Variants in GCNT2 observed in about 807,000 individuals in gnomAD.
GCNT2 encodes glucosaminyl (N-acetyl) transferase 2 (I blood group).
In GCNT2, 34 loss-of-function variants were observed where a neutral mutation model predicts 34.2. The ratio of observed to expected loss-of-function variants is 1.00; its 90% CI spans 0.76 to 1.32. The LOEUF is 1.32. GCNT2 is among the 40% of genes most tolerant of loss of function. The pLI is 0.00. For synonymous variants in GCNT2, 212 were observed against 188.0 expected (o/e 1.13, Z -1.04); for missense variants, 584 against 489.4 (o/e 1.19, Z -1.82).
chr6:10,526,048 T>G (rs1761167469), intron 1 of GCNT2, among the ~76,000 whole-genome samples: 1 of 152,222 alleles, frequency 6.6e-6, no homozygotes, highest in Admixed American at 6.5e-5. Context: ...TAGTATTTCA[T>G]TTGATATGGA....
chr6:10,549,563 C>CTTTTTT (rs33909973), intron 3 of GCNT2, among the ~76,000 whole-genome samples: 4 of 104,308 alleles, frequency 3.8e-5, no homozygotes, highest in East Asian at 2.7e-4. Flanking sequence ...ATCTCTCTCT[C>CTTTTTT]TTTTTTTTTT....
intron 3 of GCNT2, among the ~76,000 whole-genome samples, chr6:10,613,791 C>G (rs1341135790): frequency 1.3e-5 from 2 of 152,126 alleles, no homozygotes; most frequent in African/African-American, 4.8e-5. Flanking sequence ...AGCCACTGAT[C>G]AGATTTACCT....
At chr6:10,583,587 T>C (rs530659060) in intron 3 of GCNT2, among the ~76,000 whole-genome samples, 15 of 152,334 alleles carry the variant, frequency 9.8e-5, no homozygotes, top group African/African-American at 3.6e-4. Context: ...CCCTCTGTAA[T>C]GCGACCAGAC....
At chr6:10,557,464 C>T (rs1450760317) in intron 3 of GCNT2, 21 of 755,342 alleles carry the variant, frequency 2.8e-5, no homozygotes, top group Admixed American at 9.1e-5. Flanking sequence ...AGTTCTCACC[C>T]TAGTCCTTTC....
chr6:10,586,084 G>A (rs762124836), intron 3 of GCNT2: 5 of 1,614,184 alleles, frequency 3.1e-6, no homozygotes, highest in Non-Finnish European at 3.4e-6. Context: ...CCGCCAAAAA[G>A]TTATGAGAAG....
At chr6:10,557,420 T>C in intron 3 of GCNT2, 1 of 1,100,994 alleles carries the variant, frequency 9.1e-7, no homozygotes, top group East Asian at 2.3e-5. Flanking sequence ...CCACTTTTTA[T>C]TAGGAAGTAG....
At chr6:10,538,437 A>AAAAAAATATATATATATAT (rs1554127249) in intron 3 of GCNT2, among the ~76,000 whole-genome samples, 2 of 73,350 alleles carry the variant, frequency 2.7e-5, no homozygotes, top group African/African-American at 2.4e-4. Context: ...AAAAAAAAAA[A>AAAAAAATATATATATATAT]ATATATATAT....
At chr6:10,574,803 T>C in intron 3 of GCNT2, 2 of 617,568 alleles carry the variant, frequency 3.2e-6, no homozygotes. Flanking sequence ...TCCCACTGGC[T>C]CTCATAAAGT....
intron 3 of GCNT2, among the ~76,000 whole-genome samples, chr6:10,569,179 C>T (rs929276636): frequency 6.7e-6 from 1 of 148,894 alleles, no homozygotes; most frequent in African/African-American, 2.5e-5. Context: ...GCACTGCTGC[C>T]TAGTCAACTT....
intron 3 of GCNT2, among the ~76,000 whole-genome samples, chr6:10,540,043 A>G (rs989105467): frequency 5.9e-5 from 9 of 151,646 alleles, no homozygotes; most frequent in East Asian, 1.9e-4. Flanking sequence ...GTGACATTGC[A>G]CTCCAGTCTT....
chr6:10,555,955 CT>C, intron 3 of GCNT2: 4 of 1,027,392 alleles, frequency 3.9e-6, no homozygotes, highest in Non-Finnish European at 3.5e-6. Flanking sequence ...TGCTAGGGGA[CT>C]AGCAGGAAGC....
In GCNT2 at chr6:10,562,160, A is replaced by T. The variant is rs562181161; in HGVS notation, c.925+32324A>T. On this transcript the variant is annotated intron_variant, in intron 3 of 4. Coordinates refer to ENST00000495262, the MANE Select transcript of GCNT2 (RefSeq NM_145649.5). ...CTTGCTAGGTCATCTCCCTGTGGGG[A>T]GACCAACTGTCCCAGTTTGCCCAGG... is the stretch of plus-strand genomic sequence containing the variant. Among the ~76,000 whole-genome samples, 4 of 152,214 alleles carry T rather than the reference A, an allele frequency of 2.6e-5. No homozygotes were observed. In the South Asian group the frequency reaches 8.3e-4, roughly 32 times the overall value.
intron 3 of GCNT2, among the ~76,000 whole-genome samples, chr6:10,544,295 C>T (rs1186770924): frequency 6.8e-6 from 1 of 147,668 alleles, no homozygotes; most frequent in Admixed American, 6.8e-5. Context: ...GCCTGGGCGA[C>T]AGCAAGACTC....
chr6:10,563,499 T>A (rs1295643104), intron 3 of GCNT2, among the ~76,000 whole-genome samples: 2 of 151,954 alleles, frequency 1.3e-5, no homozygotes, highest in Admixed American at 1.3e-4. Flanking sequence ...CCCAGTAGTT[T>A]GGGAGGCTGA....
rs1390363042 is a variant in GCNT2 at position 10,590,575 on chromosome 6, G to T, written c.926-30776G>T. ...TTTTCACCTATTTTTTTTTTTTTGA[G>T]ATGGAGTCTTGCTCTGTCGCCAGGC... On this transcript the variant is annotated intron_variant, in intron 3 of 4. Transcript: ENST00000495262. Among the ~76,000 whole-genome samples the T allele has an allele frequency of 2.8e-5, 4 of 142,822 alleles. 1 individual carries two copies. The South Asian group carries it at 9.0e-4, about 32-fold the overall frequency. 93.7% of individuals were successfully genotyped at this position (142,822 alleles called of 152,430 possible).
intron 3 of GCNT2, among the ~76,000 whole-genome samples, chr6:10,575,825 A>T (rs1183723085): frequency 6.6e-6 from 1 of 152,126 alleles, no homozygotes; most frequent in African/African-American, 2.4e-5. Flanking sequence ...GTCCTGGCTC[A>T]AAAAGCTCCC....
At chr6:10,582,626 T>A (rs1764176387) in intron 3 of GCNT2, among the ~76,000 whole-genome samples, 4 of 141,726 alleles carry the variant, frequency 2.8e-5, no homozygotes, top group South Asian at 4.3e-4. Flanking sequence ...ATATATATTT[T>A]TTTTCCCATG....
chr6:10,584,574 T>TG (rs1307962532), intron 3 of GCNT2, among the ~76,000 whole-genome samples: 1 of 152,100 alleles, frequency 6.6e-6, no homozygotes, highest in Non-Finnish European at 1.5e-5. Context: ...GTTGTCTCAG[T>TG]GGGGGGAAAC....
intron 3 of GCNT2, among the ~76,000 whole-genome samples, chr6:10,562,823 G>A (rs1036570870): frequency 2.6e-5 from 4 of 152,046 alleles, no homozygotes; most frequent in Admixed American, 6.6e-5. Flanking sequence ...TCAGGGTGAC[G>A]CTGGGCAGAG....
Sources: allele counts gnomAD v4.1 joint callset (sites outside exome capture counted in the v4.1 genomes callset), GRCh38; gene constraint gnomAD v4.1.1; transcripts MANE v1.5; gene names NCBI Gene and HGNC (gene_info 2026-07-23, HGNC 2026-07-21).